NAA11: variants seen among roughly 807,000 people sequenced by gnomAD.
NAA11 encodes the protein N-alpha-acetyltransferase 11.
In NAA11, 15 loss-of-function variants were observed where a neutral mutation model predicts 16.1. The observed-to-expected ratio is 0.93, with a 90% CI of 0.62 to 1.44. The LOEUF (loss-of-function observed/expected upper bound fraction) is 1.44. NAA11 is among the 40% of genes most tolerant of loss of function. The pLI, the probability that NAA11 is intolerant of heterozygous loss-of-function variation, is 0.00. For missense variants in NAA11, 298 were observed against 291.3 expected (o/e 1.02, Z -0.17); for synonymous variants, 122 against 112.4 (o/e 1.09, Z -0.54).
the NAA11 span, among the ~76,000 whole-genome samples, chr4:79,164,273 G>T: frequency 6.6e-6 from 1 of 152,212 alleles, no homozygotes; most frequent in South Asian, 2.1e-4. Flanking sequence ...GGTCAGGGAA[G>T]CAGAGACCAA....
intron 2 of NAA11, among the ~76,000 whole-genome samples, chr4:79,289,481 C>T (rs2109991331): frequency 6.6e-6 from 1 of 152,348 alleles, no homozygotes; most frequent in South Asian, 2.1e-4. Context: ...GCAGTGATAA[C>T]TTTGCAATAG....
intron 1 of NAA11, among the ~76,000 whole-genome samples, chr4:79,303,076 T>TTATACATA (rs1013787503): frequency 2.1e-4 from 14 of 67,524 alleles, no homozygotes; most frequent in Non-Finnish European, 3.4e-4. Flanking sequence ...TTGAGGCCTT[T>TTATACATA]TATATATATA....
At chr4:79,159,538 C>G in the NAA11 span, among the ~76,000 whole-genome samples, 1 of 152,270 alleles carries the variant, frequency 6.6e-6, no homozygotes, top group African/African-American at 2.4e-5. Context: ...TTAATGTATT[C>G]ACAAACTTGT....
chr4:79,307,820 A>C (rs1723634910), intron 1 of NAA11, among the ~76,000 whole-genome samples: 1 of 152,230 alleles, frequency 6.6e-6, no homozygotes, highest in South Asian at 2.1e-4. Context: ...ATCCAGAAAG[A>C]AAATTCTATT....
the NAA11 span, among the ~76,000 whole-genome samples, chr4:79,201,722 C>A: frequency 6.6e-6 from 1 of 151,590 alleles, no homozygotes; most frequent in Non-Finnish European, 1.5e-5. Context: ...GTGAGCCTTG[C>A]AGTTCTCTAA....
the NAA11 span, among the ~76,000 whole-genome samples, chr4:79,212,082 C>T: frequency 6.6e-6 from 1 of 152,176 alleles, no homozygotes; most frequent in South Asian, 2.1e-4. Flanking sequence ...TTCTGTATAG[C>T]AGATGCCCTG....
chr4:79,231,360 A>G (rs912841152), intron 2 of NAA11, among the ~76,000 whole-genome samples: 4 of 151,868 alleles, frequency 2.6e-5, no homozygotes, highest in African/African-American at 7.2e-5. Flanking sequence ...TTTCTTTACA[A>G]TACTAAAAAG....
chr4:79,321,327 T>C (rs1724082553), intron 1 of NAA11, among the ~76,000 whole-genome samples: 1 of 152,238 alleles, frequency 6.6e-6, no homozygotes, highest in Admixed American at 6.5e-5. Flanking sequence ...CTTTCTTTCC[T>C]GAGCACAAAG....
the NAA11 span, among the ~76,000 whole-genome samples, chr4:79,181,048 G>A: frequency 6.6e-6 from 1 of 151,988 alleles, no homozygotes; most frequent in African/African-American, 2.4e-5. Flanking sequence ...CTTGGCCACA[G>A]GAAGGGGAAC....
chr4:79,212,977 C>T, the NAA11 span, among the ~76,000 whole-genome samples: 3 of 152,072 alleles, frequency 2.0e-5, no homozygotes, highest in Non-Finnish European at 4.4e-5. Flanking sequence ...CTCCTTGGAA[C>T]AGTGATCATA....
At chr4:79,323,360 A>G (rs1052594339) in intron 1 of NAA11, among the ~76,000 whole-genome samples, 4 of 152,216 alleles carry the variant, frequency 2.6e-5, no homozygotes, top group Non-Finnish European at 4.4e-5. Context: ...ACTTAGTTTC[A>G]GTGGTTTCTT....
At chr4:79,319,852 A>G (rs1045656146) in intron 1 of NAA11, among the ~76,000 whole-genome samples, 1 of 152,178 alleles carries the variant, frequency 6.6e-6, no homozygotes, top group African/African-American at 2.4e-5. Context: ...ATATTTCATT[A>G]TATCATTCCA....
At chr4:79,238,974 G>A (rs1433177673) in intron 2 of NAA11, among the ~76,000 whole-genome samples, 4 of 152,330 alleles carry the variant, frequency 2.6e-5, no homozygotes, top group East Asian at 1.9e-4. Flanking sequence ...GTATTGTTGA[G>A]TTGGACAGGA....
the NAA11 span, among the ~76,000 whole-genome samples, chr4:79,175,759 A>AG: frequency 6.6e-6 from 1 of 151,824 alleles, no homozygotes; most frequent in African/African-American, 2.4e-5. Flanking sequence ...AAAAAAAAAA[A>AG]AAAAAGATAC....
At chr4:79,288,352 C>A (rs1389131401) in intron 2 of NAA11, among the ~76,000 whole-genome samples, 2 of 152,030 alleles carry the variant, frequency 1.3e-5, no homozygotes, top group East Asian at 3.8e-4. Flanking sequence ...GGTGCCAGAA[C>A]AATAATTAAT....
At chr4:79,166,987 C>T in the NAA11 span, among the ~76,000 whole-genome samples, 8 of 146,882 alleles carry the variant, frequency 5.4e-5, no homozygotes, top group African/African-American at 2.0e-4. Flanking sequence ...AACTTTGGCC[C>T]AGTTTTGTCT....
chr4:79,178,488 T>C, the NAA11 span, among the ~76,000 whole-genome samples: 1 of 152,220 alleles, frequency 6.6e-6, no homozygotes, highest in Non-Finnish European at 1.5e-5. Flanking sequence ...TTTGGAGATA[T>C]ATATTAGGAA....
chr4:79,272,173 A>G (rs1018086485), intron 2 of NAA11, among the ~76,000 whole-genome samples: 2 of 117,798 alleles, frequency 1.7e-5, no homozygotes, highest in Admixed American at 8.8e-5. Context: ...TCTGTTAATA[A>G]GATAAAAGAA....
chr4:79,192,303 G>A, the NAA11 span, among the ~76,000 whole-genome samples: 1 of 151,428 alleles, frequency 6.6e-6, no homozygotes, highest in African/African-American at 2.4e-5. Flanking sequence ...ATGTATACAT[G>A]TGCCATGTTG....
Sources: gnomAD v4.1 joint callset for allele counts (sites outside exome capture counted in the v4.1 genomes callset) on GRCh38, gnomAD v4.1.1 for gene constraint, MANE v1.5 for transcripts, NCBI Gene and HGNC (gene_info 2026-07-23, HGNC 2026-07-21) for gene names.